The following DLG2 variants were observed in gnomAD, a reference collection of about 807,000 sequenced individuals.
The protein encoded by DLG2 is discs large MAGUK scaffold protein 2, also known as disks large homolog 2.
Under a neutral mutation model 132.5 loss-of-function variants are expected in DLG2, and 45 were observed. The observed-to-expected ratio is 0.34, with a 90% CI of 0.27 to 0.44. The LOEUF (loss-of-function observed/expected upper bound fraction) is 0.44. DLG2 is among the 20% of genes least tolerant of loss of function. The pLI is 1.00. For synonymous variants in DLG2, 424 were observed against 419.6 expected, an observed-to-expected ratio of 1.01 and a Z score of -0.13; for missense variants, 1,045 against 1,196.9, an observed-to-expected ratio of 0.87 and a Z score of 1.87.
chr11:84,734,557 T>C (rs2063575424), intron 6 of DLG2, among the ~76,000 whole-genome samples: 1 of 152,220 alleles, frequency 6.6e-6, no homozygotes, highest in East Asian at 1.9e-4. Flanking sequence ...TGGGGTTTTC[T>C]AGATATCCAA....
intron 6 of DLG2, among the ~76,000 whole-genome samples, chr11:84,859,401 T>C (rs1007139174): frequency 6.9e-6 from 1 of 145,280 alleles, no homozygotes; most frequent in African/African-American, 2.5e-5. Flanking sequence ...TATATATGTA[T>C]ATATACATAT....
At chr11:83,659,456 C>T (rs545855393) in intron 18 of DLG2, among the ~76,000 whole-genome samples, 2 of 152,320 alleles carry the variant, frequency 1.3e-5, no homozygotes, top group South Asian at 4.1e-4. Context: ...TTCTTTACTC[C>T]TGAATCTTTC....
intron 6 of DLG2, among the ~76,000 whole-genome samples, chr11:84,679,822 G>A (rs2099724215): frequency 6.6e-6 from 1 of 152,058 alleles, no homozygotes; most frequent in Non-Finnish European, 1.5e-5. Flanking sequence ...CAGGCAGTCT[G>A]GATCCAGACC....
intron 6 of DLG2, chr11:85,021,423 G>T: frequency 3.6e-6 from 5 of 1,397,254 alleles, no homozygotes; most frequent in South Asian, 3.5e-5. Context: ...CTAAAACCTG[G>T]TCAGCAATCA....
intron 3 of DLG2, among the ~76,000 whole-genome samples, chr11:85,482,937 C>T (rs1304680067): frequency 1.3e-5 from 2 of 152,146 alleles, no homozygotes; most frequent in Admixed American, 6.6e-5. Flanking sequence ...TGATATATAT[C>T]TGCTATATAA....
chr11:83,562,080 G>T (rs543117297), intron 19 of DLG2, among the ~76,000 whole-genome samples: 1 of 151,520 alleles, frequency 6.6e-6, no homozygotes, highest in Non-Finnish European at 1.5e-5. Flanking sequence ...GTAGAGACAG[G>T]GTTTCACCAT....
chr11:83,923,240 TTAA>T (rs1174303850), intron 15 of DLG2, among the ~76,000 whole-genome samples: 1 of 152,250 alleles, frequency 6.6e-6, no homozygotes, highest in East Asian at 1.9e-4. Context: ...ATGGGAACAA[TTAA>T]TAATGACTAA....
chr11:85,227,664 A>G (rs2075055946), intron 4 of DLG2, among the ~76,000 whole-genome samples: 1 of 152,152 alleles, frequency 6.6e-6, no homozygotes, highest in African/African-American at 2.4e-5. Flanking sequence ...CACAGAATAT[A>G]TCAAACAATG....
chr11:83,457,958 G>C lies in DLG2; in HGVS notation c.*1860C>G, dbSNP rs1305020409. ...TGGTGACTGTAGCCAGGCAGACAAT[G>C]ATGTTTAGCGTAAGATGAACAATGC... On this transcript the variant is annotated 3_prime_UTR_variant, in exon 28 of 28. Coordinates refer to ENST00000376104, the MANE Select transcript of DLG2 (RefSeq NM_001142699.3). 1 of 152,616 alleles carries C rather than the reference G, an allele frequency of 6.6e-6. No homozygotes were observed. Among genetic ancestry groups the C allele is most frequent in the Non-Finnish European group, 1.5e-5 (1 of 68,034 alleles). 9.5% of individuals were successfully genotyped at this position (152,616 alleles called of 1,614,324 possible).
At chr11:84,694,442 T>G (rs978799746) in intron 6 of DLG2, among the ~76,000 whole-genome samples, 4 of 151,782 alleles carry the variant, frequency 2.6e-5, no homozygotes, top group Non-Finnish European at 4.4e-5. Context: ...TCCTAAGCAT[T>G]TCCACCTTAT....
intron 6 of DLG2, among the ~76,000 whole-genome samples, chr11:84,892,741 G>A (rs961089853): frequency 1.3e-4 from 19 of 151,868 alleles, no homozygotes; most frequent in African/African-American, 4.1e-4. Context: ...TGTGATATCC[G>A]TTTTCTGGCT....
intron 6 of DLG2, among the ~76,000 whole-genome samples, chr11:85,015,124 CAGA>C (rs113612383): frequency 6.6e-6 from 1 of 152,150 alleles, no homozygotes; most frequent in African/African-American, 2.4e-5. Flanking sequence ...TGCCAATTTA[CAGA>C]AGAAGTAGAT....
intron 4 of DLG2, among the ~76,000 whole-genome samples, chr11:85,275,950 A>G (rs1022091745): frequency 3.3e-5 from 5 of 152,174 alleles, no homozygotes; most frequent in African/African-American, 1.2e-4. Flanking sequence ...TAAGGACAGT[A>G]CACTGTTTTA....
intron 3 of DLG2, among the ~76,000 whole-genome samples, chr11:85,330,878 A>T (rs543635121): frequency 6.6e-6 from 1 of 152,108 alleles, no homozygotes; most frequent in Non-Finnish European, 1.5e-5. Flanking sequence ...TCTCATACAT[A>T]AACCCTTACT....
At chr11:85,058,042 T>C (rs1369880486) in intron 6 of DLG2, among the ~76,000 whole-genome samples, 1 of 151,222 alleles carries the variant, frequency 6.6e-6, no homozygotes, top group African/African-American at 2.4e-5. Flanking sequence ...GTCTATTCAA[T>C]ACAATACTGG....
intron 10 of DLG2, among the ~76,000 whole-genome samples, chr11:84,098,014 C>T (rs2154177777): frequency 6.7e-6 from 1 of 149,156 alleles, no homozygotes; most frequent in East Asian, 2.0e-4. Flanking sequence ...CTCCCTCCAC[C>T]AACCTAAACT....
intron 3 of DLG2, among the ~76,000 whole-genome samples, chr11:85,551,355 T>C (rs1395241741): frequency 6.6e-6 from 1 of 152,168 alleles, no homozygotes; most frequent in Non-Finnish European, 1.5e-5. Context: ...TCAAAGTAGG[T>C]GCCATCACTT....
intron 6 of DLG2, among the ~76,000 whole-genome samples, chr11:84,943,202 G>GTGTGTGTGTGTC (rs1481407249): frequency 4.2e-5 from 6 of 143,966 alleles, no homozygotes; most frequent in African/African-American, 1.6e-4. Flanking sequence ...GTGTGTGTGT[G>GTGTGTGTGTGTC]TATCTATTCA....
intron 19 of DLG2, chr11:83,632,127 C>T (rs191353345): frequency 3.3e-5 from 5 of 152,270 alleles, no homozygotes; most frequent in East Asian, 1.9e-4. Context: ...TCAGTTCAGT[C>T]GGGAAATTAA....
Sources: gnomAD v4.1 joint callset for allele counts (sites outside exome capture counted in the v4.1 genomes callset) on GRCh38, gnomAD v4.1.1 for gene constraint, MANE v1.5 for transcripts, NCBI Gene and HGNC (gene_info 2026-07-23, HGNC 2026-07-21) for gene names.